The following TRAPPC12 variants were observed in gnomAD, a reference collection of about 807,000 sequenced individuals.
TRAPPC12 encodes TPR repeat protein 15.
Under a neutral mutation model 69.2 loss-of-function variants are expected in TRAPPC12, and 61 were observed. That is an observed-to-expected ratio of 0.88 (90% CI 0.72 to 1.09). The LOEUF (loss-of-function observed/expected upper bound fraction) is 1.09, where lower values mean the gene tolerates loss of function less well. Ranked by LOEUF, TRAPPC12 falls within the 50% of genes least tolerant of loss-of-function variation. TRAPPC12 has a pLI of 0.00. For synonymous variants in TRAPPC12, 469 were observed against 438.9 expected (o/e 1.07, Z -0.86); for missense variants, 1,101 against 1,016.4 (o/e 1.08, Z -1.13).
rs1398685572 is a variant in TRAPPC12, at chr2:3,465,955, C to T, written c.1776+260C>T. 4 of 547,516 alleles carry T rather than the reference C, an allele frequency of 7.3e-6. No homozygotes were observed. In the African/African-American group the frequency reaches 7.6e-5, roughly 10 times the overall value. 33.9% of individuals were successfully genotyped at this position (547,516 alleles called of 1,614,324 possible). On this transcript the variant is annotated intron_variant, in intron 9 of 11. Coordinates refer to ENST00000324266, the MANE Select transcript of TRAPPC12 (RefSeq NM_016030.6). The stretch of plus-strand genomic sequence containing the variant: ...CACAGCCACACTGAAATGAGTTACT[C>T]TAGACATTGTCCTGCTGCAGTTACG...
intron 3 of TRAPPC12, among the ~76,000 whole-genome samples, chr2:3,419,789 T>C (rs573329168): frequency 3.9e-5 from 6 of 152,222 alleles, no homozygotes; most frequent in African/African-American, 1.2e-4. Context: ...AAAAACTCCA[T>C]GAGAGAACGG....
Position 3,426,984 on chromosome 2 carries a change from G to C in TRAPPC12, c.1417+2321G>C, listed in dbSNP as rs895668105. Among the ~76,000 whole-genome samples, 5 of 152,280 alleles carry C rather than the reference G, an allele frequency of 3.3e-5. No individual in the cohort carries two copies. The South Asian group carries it at 1.0e-3, about 32-fold the overall frequency. ...CCAATTTGAGGGTCATCCTTTCCGT[G>C]TAAGACCGAATTTCCAGCCCAAAAA... On this transcript the variant is annotated intron_variant, in intron 5 of 11. Transcript: ENST00000324266.
chr2:3,431,380 C>A (rs1479606220), intron 5 of TRAPPC12, among the ~76,000 whole-genome samples: 1 of 152,224 alleles, frequency 6.6e-6, no homozygotes, highest in African/African-American at 2.4e-5. Flanking sequence ...ATCATCCAGC[C>A]CAGAGGGCGG....
At chr2:3,460,578 G>T in intron 8 of TRAPPC12, 2 of 450,522 alleles carry the variant, frequency 4.4e-6, no homozygotes, top group South Asian at 5.3e-5. Flanking sequence ...TTGAAATGTG[G>T]GTCTAAATGA....
intron 3 of TRAPPC12, chr2:3,421,612 C>G: frequency 4.5e-6 from 3 of 674,018 alleles, no homozygotes; most frequent in Non-Finnish European, 8.4e-6. Context: ...GATGTTCTAT[C>G]GGTTGTTGAA....
At chr2:3,452,727 A>G (rs1256507213) in intron 6 of TRAPPC12, among the ~76,000 whole-genome samples, 2 of 152,210 alleles carry the variant, frequency 1.3e-5, no homozygotes, top group African/African-American at 2.4e-5. Flanking sequence ...TTAATATTTA[A>G]TAGTCAGTGC....
At position 3,431,276 on chromosome 2, in the gene TRAPPC12, A is replaced by G. The variant is rs535727527; in HGVS notation, c.1417+6613A>G. Among the ~76,000 whole-genome samples, 40 of 152,316 alleles carry G rather than the reference A, an allele frequency of 2.6e-4. 1 individual carries two copies. The East Asian group carries it at 7.7e-3, about 29-fold the overall frequency. Reference sequence around the variant, plus strand: ...ACAGAGTCTTTGGCCCTGTAGACAGACAGTCTCTGTAATCTTGTAATCTCC... The same window carrying G: ...ACAGAGTCTTTGGCCCTGTAGACAGGCAGTCTCTGTAATCTTGTAATCTCC... On this transcript the variant is annotated intron_variant, in intron 5 of 11. Transcript: ENST00000324266.
intron 3 of TRAPPC12, among the ~76,000 whole-genome samples, chr2:3,407,895 A>C (rs6745923): frequency 0.026 from 3,959 of 152,284 alleles, 164 homozygotes; most frequent in African/African-American, 0.09. Context: ...CACACTAAGA[A>C]AATAAGCAAT....
chr2:3,388,530 A>C lies in TRAPPC12; in HGVS notation c.907A>C (p.Met303Leu). The C allele has an allele frequency of 6.2e-7, 1 of 1,613,072 alleles. No individual in the cohort carries two copies. The highest frequency in any genetic ancestry group is 1.7e-5 in the Admixed American group (1 of 60,006). Residue 303 changes from methionine to leucine, a missense_variant, in exon 2 of 12, where the codon ATG becomes CTG. By Grantham distance (15) the Met-to-Leu change is conservative. Transcript: ENST00000324266. ...PFATALSMSE[M>L]DRRNDAWLPG... is the part of the protein sequence containing the mutation. The stretch of plus-strand genomic sequence containing the variant: ...TGCCACCGCCCTGAGCATGAGCGAG[A>C]TGGACCGGAGGAACGACGCCTGGCT...
Position 3,387,885 on chromosome 2 carries a change from G to T in TRAPPC12, c.262G>T (p.Val88Leu). The T allele has an allele frequency of 1.9e-6, 3 of 1,578,284 alleles. No individual in the cohort carries two copies. Among genetic ancestry groups the T allele is most frequent in the Non-Finnish European group, 1.7e-6 (2 of 1,159,700 alleles). ...GGGCGACGCGGGCGACCTGGGCCGA[G>T]TGCGGGACGAAGCTGAGCCCGGAGG... ...SEGDAGDLGRVRDEAEPGGEG... is the reference protein window; with the variant it reads ...SEGDAGDLGRLRDEAEPGGEG... The change falls in exon 2 of 12, where the codon GTG becomes TTG. Residue 88 changes from valine (V) to leucine (L), a missense_variant. Coordinates refer to ENST00000324266, the MANE Select transcript of TRAPPC12 (RefSeq NM_016030.6).
intron 6 of TRAPPC12, chr2:3,455,166 G>T (rs761534911): frequency 6.6e-6 from 1 of 151,876 alleles, no homozygotes; most frequent in South Asian, 2.1e-4. Flanking sequence ...TAGGTGTCCC[G>T]TCCCTCTTTC....
intron 8 of TRAPPC12, among the ~76,000 whole-genome samples, chr2:3,464,245 A>G (rs1040541598): frequency 6.6e-6 from 1 of 152,234 alleles, no homozygotes; most frequent in African/African-American, 2.4e-5. Flanking sequence ...GACAGGCAGC[A>G]GGAAGGCGTG....
chr2:3,462,130 G>T (rs1212655271), intron 8 of TRAPPC12, among the ~76,000 whole-genome samples: 1 of 152,244 alleles, frequency 6.6e-6, no homozygotes, highest in Non-Finnish European at 1.5e-5. Context: ...AGGGAGGAAA[G>T]TTCCCTGTTC....
intron 8 of TRAPPC12, 76 bp from the exon 9 acceptor site, chr2:3,465,521 C>A: frequency 9.8e-7 from 1 of 1,022,788 alleles, no homozygotes; most frequent in Non-Finnish European, 1.6e-6. Context: ...TCTGTATACA[C>A]TTGTGCTCTT....
Position 3,388,161 on chromosome 2 carries a change from G to A in TRAPPC12, c.538G>A (p.Val180Met), listed in dbSNP as rs767288381. The change falls in exon 2 of 12, where the codon GTG (valine) becomes ATG (methionine). Residue 180 changes from valine to methionine, a missense_variant. By Grantham distance (21) the Val-to-Met change is conservative (BLOSUM62 1). Coordinates refer to ENST00000324266, the MANE Select transcript of TRAPPC12 (RefSeq NM_016030.6). ...ASGDGFEPQM[V>M]KSPSFGGASE... is the part of the protein sequence containing the mutation. ...CGGGGACGGCTTCGAGCCGCAGATG[G>A]TGAAGTCGCCCAGCTTCGGTGGCGC... The A allele has an allele frequency of 1.2e-5, 19 of 1,607,402 alleles. No individual in the cohort carries two copies. Among genetic ancestry groups the A allele is most frequent in the Non-Finnish European group, 1.5e-5 (18 of 1,177,364 alleles).
intron 5 of TRAPPC12, among the ~76,000 whole-genome samples, chr2:3,439,080 C>T (rs1664053095): frequency 6.6e-6 from 1 of 152,174 alleles, no homozygotes; most frequent in Admixed American, 6.5e-5. Flanking sequence ...AATGAGAGTT[C>T]CTATTGATTC....
At chr2:3,479,052 G>T in intron 11 of TRAPPC12, 119 bp downstream of exon 11, 1 of 1,476,142 alleles carries the variant, frequency 6.8e-7, no homozygotes, top group South Asian at 1.2e-5. Context: ...CCAGCTCCAG[G>T]CAGTGGCTGT....
intron 9 of TRAPPC12, among the ~76,000 whole-genome samples, chr2:3,475,974 TAGAC>T (rs1434286090): frequency 2.0e-5 from 3 of 152,224 alleles, no homozygotes; most frequent in Non-Finnish European, 2.9e-5. Flanking sequence ...ACGGTCCTGT[TAGAC>T]AGGAGATGCA....
chr2:3,417,689 T>C (rs1462601450), intron 3 of TRAPPC12, among the ~76,000 whole-genome samples: 1 of 152,166 alleles, frequency 6.6e-6, no homozygotes. Context: ...CAACATTTAC[T>C]CATCGAACTT....
Sources: gnomAD v4.1 joint callset for allele counts (sites outside exome capture counted in the v4.1 genomes callset) on GRCh38, gnomAD v4.1.1 for gene constraint, MANE v1.5 for transcripts, NCBI Gene and HGNC (gene_info 2026-07-23, HGNC 2026-07-21) for gene names.